NAALADL2: variants seen among roughly 807,000 people sequenced by gnomAD.
NAALADL2 encodes N-acetylated alpha-linked acidic dipeptidase like 2.
NAALADL2 carries 76 observed loss-of-function variants against 87.2 expected under a neutral mutation model. The observed-to-expected ratio is 0.87, with a 90% confidence interval of 0.72 to 1.05. NAALADL2 has a LOEUF of 1.05. Ranked by LOEUF, NAALADL2 falls within the 50% of genes least tolerant of loss-of-function variation. The pLI is 0.00. For missense variants in NAALADL2, 1,089 were observed against 945.8 expected (o/e 1.15, Z -1.99); for synonymous variants, 354 against 331.0 (o/e 1.07, Z -0.75).
At chr3:175,321,170 G>A (rs1272492423) in intron 4 of NAALADL2, among the ~76,000 whole-genome samples, 1 of 147,182 alleles carries the variant, frequency 6.8e-6, no homozygotes, top group Non-Finnish European at 1.5e-5. Flanking sequence ...TGGGATGCAA[G>A]GCTGGTTCAA....
intron 5 of NAALADL2, among the ~76,000 whole-genome samples, chr3:175,386,036 A>T (rs899571948): frequency 6.6e-6 from 1 of 152,010 alleles, no homozygotes; most frequent in African/African-American, 2.4e-5. Context: ...ATGACCTCCC[A>T]TCTCCTCTCC....
At chr3:175,715,047 G>C (rs567194402) in intron 11 of NAALADL2, among the ~76,000 whole-genome samples, 37 of 152,236 alleles carry the variant, frequency 2.4e-4, no homozygotes, top group African/African-American at 6.5e-4. Context: ...GTTTGAGAAA[G>C]ATCAGATTTT....
At chr3:175,043,297 G>A (rs768650742) in intron 1 of NAALADL2, among the ~76,000 whole-genome samples, 11 of 152,192 alleles carry the variant, frequency 7.2e-5, no homozygotes, top group Admixed American at 3.3e-4. Context: ...GGAGTTCAGC[G>A]GCACAATCTG....
chr3:174,827,536 A>C (rs991587502), intron 3 of NAALADL2, among the ~76,000 whole-genome samples: 1 of 152,166 alleles, frequency 6.6e-6, no homozygotes, highest in Non-Finnish European at 1.5e-5. Flanking sequence ...TCTTAGATTC[A>C]GGTTATTAGT....
intron 3 of NAALADL2, among the ~76,000 whole-genome samples, chr3:174,801,864 T>C (rs562753869): frequency 1.5e-3 from 223 of 152,058 alleles, no homozygotes; most frequent in Non-Finnish European, 2.3e-3. Context: ...GCTTAAGAGG[T>C]CATGAAAAGA....
At position 175,402,045 on chromosome 3, in the gene NAALADL2, A is replaced by C. The variant is rs79766292; in HGVS notation, c.1091-45184A>C. The stretch of plus-strand genomic sequence containing the variant: ...CTATCTAACTTTCATCTCTCTAGAC[A>C]CTTATAATCATGGTACTAGATTGAT... On this transcript the variant is annotated intron_variant, in intron 5 of 13. Transcript: ENST00000454872. Among the ~76,000 whole-genome samples the C allele has an allele frequency of 3.2e-3, 483 of 152,176 alleles. 2 individuals carry two copies. Among genetic ancestry groups the C allele is most frequent in the African/African-American group, 0.01 (434 of 41,562 alleles).
In NAALADL2 at chr3:174,787,688, TAAAG is replaced by T. The variant is rs368941182; in HGVS notation, c.-9+49946_-9+49949del. Among the ~76,000 whole-genome samples the T allele has an allele frequency of 1.2e-3, 168 of 142,352 alleles. 1 individual carries two copies. Among genetic ancestry groups the T allele is most frequent in the East Asian group, 1.8e-3 (9 of 4,874 alleles). The allele number at this position is 142,352 out of a possible 152,430, so 93.4% of individuals were successfully genotyped here. ...TATTTCAAAACTGGACTTTTTGAAA[TAAAG>T]AAAAGAGAAGTGGATTAAGTATGGA... On this transcript the variant is annotated intron_variant, in intron 3 of 3. Transcript: ENST00000434257.
chr3:174,613,847 T>G (rs988887000), intron 2 of NAALADL2, among the ~76,000 whole-genome samples: 23 of 152,198 alleles, frequency 1.5e-4, no homozygotes, highest in Non-Finnish European at 2.8e-4. Flanking sequence ...TCATACTACC[T>G]GGGTATTGCT....
chr3:175,101,396 T>A (rs1393215250), intron 2 of NAALADL2, among the ~76,000 whole-genome samples: 1 of 152,214 alleles, frequency 6.6e-6, no homozygotes, highest in Non-Finnish European at 1.5e-5. Flanking sequence ...ATGCTGGTTA[T>A]CTTGTATAAA....
chr3:174,622,624 A>G (rs1282773639), intron 2 of NAALADL2, among the ~76,000 whole-genome samples: 1 of 152,198 alleles, frequency 6.6e-6, no homozygotes, highest in Non-Finnish European at 1.5e-5. Context: ...TATGTATGAT[A>G]TACTGTATTA....
chr3:175,087,335 G>T (rs1367859386), intron 1 of NAALADL2, among the ~76,000 whole-genome samples: 1 of 152,148 alleles, frequency 6.6e-6, no homozygotes, highest in African/African-American at 2.4e-5. Flanking sequence ...GAGGTTGGGG[G>T]CGCCTCTGCA....
chr3:174,577,658 A>C (rs1715679856), intron 2 of NAALADL2, among the ~76,000 whole-genome samples: 1 of 152,118 alleles, frequency 6.6e-6, no homozygotes, highest in Admixed American at 6.6e-5. Context: ...CTAGAATGCA[A>C]ATCAACCTCT....
chr3:174,539,452 G>C (rs1024912052), intron 1 of NAALADL2, among the ~76,000 whole-genome samples: 1 of 152,044 alleles, frequency 6.6e-6, no homozygotes, highest in Admixed American at 6.6e-5. Flanking sequence ...TTATAGTGTG[G>C]ACACTTTTGG....
chr3:174,751,115 T>C (rs1309936178), intron 3 of NAALADL2, among the ~76,000 whole-genome samples: 2 of 152,142 alleles, frequency 1.3e-5, no homozygotes, highest in Non-Finnish European at 2.9e-5. Context: ...ATAATAGTGA[T>C]GATAGTGTGC....
intron 2 of NAALADL2, among the ~76,000 whole-genome samples, chr3:175,199,849 TATATATA>T: frequency 5.1e-5 from 1 of 19,664 alleles, no homozygotes; most frequent in Non-Finnish European, 9.1e-5. Context: ...TATATATATA[TATATATA>T]TATATATATT....
intron 2 of NAALADL2, among the ~76,000 whole-genome samples, chr3:175,156,328 C>T (rs372930043): frequency 0.027 from 2,316 of 87,120 alleles, 31 homozygotes; most frequent in Middle Eastern, 0.11. Flanking sequence ...AGATAAATAG[C>T]TCTACTACCT....
At chr3:175,418,165 G>A (rs957855066) in intron 5 of NAALADL2, among the ~76,000 whole-genome samples, 4 of 152,214 alleles carry the variant, frequency 2.6e-5, no homozygotes, top group African/African-American at 7.2e-5. Context: ...TTGAGGTTAT[G>A]ATTAAAATCT....
chr3:175,247,287 C>CACACACAT (rs3066299), intron 3 of NAALADL2, among the ~76,000 whole-genome samples: 305 of 151,386 alleles, frequency 2.0e-3, no homozygotes, highest in Admixed American at 6.8e-3. Flanking sequence ...CACACACACA[C>CACACACAT]ATAAAACACA....
At chr3:175,458,132 C>T (rs1722594298) in intron 6 of NAALADL2, among the ~76,000 whole-genome samples, 1 of 151,972 alleles carries the variant, frequency 6.6e-6, no homozygotes, top group African/African-American at 2.4e-5. Flanking sequence ...TTGTACTTTT[C>T]CTGTGCCAGC....
Sources: allele counts gnomAD v4.1 joint callset (sites outside exome capture counted in the v4.1 genomes callset), GRCh38; gene constraint gnomAD v4.1.1; transcripts MANE v1.5; gene names NCBI Gene and HGNC (gene_info 2026-07-23, HGNC 2026-07-21).